Variants in METTL15 observed in about 807,000 individuals in gnomAD.
The protein encoded by METTL15 is 12S rRNA N(4)-cytidine methyltransferase METTL15.
METTL15 carries 34 observed loss-of-function variants against 38.3 expected under a neutral mutation model. The ratio of observed to expected loss-of-function variants is 0.89; its 90% CI spans 0.68 to 1.18. The LOEUF (loss-of-function observed/expected upper bound fraction) is 1.18, where lower values mean the gene tolerates loss of function less well. METTL15 is among the 50% of genes most tolerant of loss of function. The probability of loss-of-function intolerance (pLI) is 0.00; values close to 1 mark genes in which losing one functional copy is unlikely to be tolerated. For missense variants in METTL15, 438 were observed against 498.4 expected, an observed-to-expected ratio of 0.88 and a Z score of 1.15; for synonymous variants, 162 against 170.9, an observed-to-expected ratio of 0.95 and a Z score of 0.41.
intron 4 of METTL15, among the ~76,000 whole-genome samples, chr11:28,356,786 C>A (rs1044724582): frequency 6.6e-6 from 1 of 152,174 alleles, no homozygotes; most frequent in Admixed American, 6.5e-5. Context: ...TTAATACCAT[C>A]ATTTCTTGGT....
chr11:28,488,516 A>C (rs892548266), intron 6 of METTL15, among the ~76,000 whole-genome samples: 5 of 152,130 alleles, frequency 3.3e-5, no homozygotes, highest in African/African-American at 1.2e-4. Flanking sequence ...CCACCCACTA[A>C]AGTTAACTGG....
At chr11:28,161,381 G>T (rs965857458) in intron 3 of METTL15, among the ~76,000 whole-genome samples, 4 of 151,754 alleles carry the variant, frequency 2.6e-5, no homozygotes, top group Non-Finnish European at 5.9e-5. Flanking sequence ...TGGCCTGCTT[G>T]CACCTATGAA....
At chr11:28,238,279 G>C (rs1166813816) in intron 4 of METTL15, among the ~76,000 whole-genome samples, 1 of 152,198 alleles carries the variant, frequency 6.6e-6, no homozygotes, top group African/African-American at 2.4e-5. Flanking sequence ...CTTCCCGGCT[G>C]CTTTGTTTAC....
intron 3 of METTL15, among the ~76,000 whole-genome samples, chr11:28,342,998 G>T (rs1410814585): frequency 1.3e-5 from 2 of 152,258 alleles, no homozygotes; most frequent in East Asian, 3.9e-4. Flanking sequence ...AAGAAAAAGA[G>T]AATATGTCCT....
downstream of METTL15, among the ~76,000 whole-genome samples, chr11:28,531,823 T>G (rs1213322157): frequency 1.3e-5 from 2 of 151,988 alleles, no homozygotes; most frequent in Non-Finnish European, 2.9e-5. Context: ...CAGCAATAGA[T>G]AGACACAGAG....
Position 28,330,422 on chromosome 11 carries a change from A to G in METTL15, c.805A>G (p.Thr269Ala). The G allele has an allele frequency of 6.5e-7, 1 of 1,547,750 alleles. No individual in the cohort carries two copies. The highest frequency in any genetic ancestry group is 8.7e-7 in the Non-Finnish European group (1 of 1,145,898). The stretch of plus-strand genomic sequence containing the variant: ...AGCATTTCCTCCCTCTGCTATTTAT[A>G]CACGGAAAGACTTACTACAGCGATC... The part of the protein sequence containing the change: ...AGAFPPSAIY[T>A]RKDLLQRSTH... The change falls in exon 7 of 7, where the codon ACA becomes GCA. Residue 269 changes from threonine to alanine, a missense_variant. Physicochemically the swap from Thr to Ala is moderately conservative, Grantham distance 58 (BLOSUM62 0). Transcript: ENST00000407364.
intron 5 of METTL15, among the ~76,000 whole-genome samples, chr11:28,373,193 C>T (rs1850265474): frequency 6.6e-6 from 1 of 152,090 alleles, no homozygotes; most frequent in African/African-American, 2.4e-5. Flanking sequence ...GAGGAATCGC[C>T]ACACTGACTT....
intron 3 of METTL15, among the ~76,000 whole-genome samples, chr11:28,178,752 A>G (rs1851170497): frequency 6.6e-6 from 1 of 151,882 alleles, no homozygotes; most frequent in African/African-American, 2.4e-5. Flanking sequence ...AACATTATTT[A>G]CATTAATACT....
At chr11:28,482,597 C>T (rs896411445) in intron 6 of METTL15, among the ~76,000 whole-genome samples, 2 of 152,146 alleles carry the variant, frequency 1.3e-5, no homozygotes, top group Non-Finnish European at 2.9e-5. Context: ...CTTATTAGCT[C>T]CACTTATCAG....
chr11:28,299,924 C>T (rs1054230478), intron 6 of METTL15, among the ~76,000 whole-genome samples: 1 of 152,052 alleles, frequency 6.6e-6, no homozygotes, highest in Non-Finnish European at 1.5e-5. Flanking sequence ...CCTCCATAGT[C>T]ACTTGGCATT....
At chr11:28,505,084 A>T (rs780202968) in intron 6 of METTL15, among the ~76,000 whole-genome samples, 8 of 152,168 alleles carry the variant, frequency 5.3e-5, no homozygotes, top group Non-Finnish European at 1.0e-4. Flanking sequence ...CCAGGACTGG[A>T]CCTGGTGGGA....
intron 6 of METTL15, among the ~76,000 whole-genome samples, chr11:28,453,303 C>T: frequency 6.6e-6 from 1 of 152,202 alleles, no homozygotes. Flanking sequence ...AGAAATCCAG[C>T]TGGATTATAG....
chr11:28,346,845 T>C (rs752209489), intron 3 of METTL15, among the ~76,000 whole-genome samples: 1 of 152,154 alleles, frequency 6.6e-6, no homozygotes, highest in African/African-American at 2.4e-5. Context: ...AAGAGAATTA[T>C]GTATTATTGA....
intron 5 of METTL15, among the ~76,000 whole-genome samples, chr11:28,295,671 G>T (rs1432709944): frequency 7.2e-5 from 11 of 152,058 alleles, no homozygotes; most frequent in Non-Finnish European, 8.8e-5. Context: ...CATCAAGAGA[G>T]ATGAAAGTCA....
chr11:28,367,148 G>A (rs1359149242), intron 5 of METTL15, among the ~76,000 whole-genome samples: 1 of 151,148 alleles, frequency 6.6e-6, no homozygotes, highest in African/African-American at 2.4e-5. Context: ...TGTCTCATCT[G>A]ACTCAGAGTG....
chr11:28,532,284 T>C, the METTL15 span, among the ~76,000 whole-genome samples: 1 of 152,062 alleles, frequency 6.6e-6, no homozygotes, highest in Non-Finnish European at 1.5e-5. Flanking sequence ...TCAAGGTGTA[T>C]ATTTTAAGAA....
At chr11:28,168,195 G>A (rs977524111) in intron 3 of METTL15, among the ~76,000 whole-genome samples, 3 of 151,818 alleles carry the variant, frequency 2.0e-5, no homozygotes, top group African/African-American at 7.3e-5. Context: ...ATTCAGGCAT[G>A]GATGTTTTTC....
chr11:28,322,236 G>A (rs1275646284), intron 6 of METTL15, among the ~76,000 whole-genome samples: 1 of 151,988 alleles, frequency 6.6e-6, no homozygotes, highest in Non-Finnish European at 1.5e-5. Flanking sequence ...ATTTACAAAT[G>A]TTCAGGAAAA....
intron 5 of METTL15, among the ~76,000 whole-genome samples, chr11:28,400,474 G>A (rs1850620414): frequency 6.6e-6 from 1 of 151,918 alleles, no homozygotes; most frequent in Admixed American, 6.6e-5. Flanking sequence ...CCCCTAATTA[G>A]TCACTCTTCC....
Sources: gnomAD v4.1 joint callset for allele counts (sites outside exome capture counted in the v4.1 genomes callset) on GRCh38, gnomAD v4.1.1 for gene constraint, MANE v1.5 for transcripts, NCBI Gene and HGNC (gene_info 2026-07-23, HGNC 2026-07-21) for gene names.